Variants in NCOA6 observed in about 807,000 individuals in gnomAD.
The protein encoded by NCOA6 is nuclear receptor coactivator 6, also known as NRC RAP250.
NCOA6 carries 49 observed loss-of-function variants against 171.4 expected under a neutral mutation model. That is an observed-to-expected ratio of 0.29 (90% CI 0.23 to 0.36). The LOEUF is 0.36. Among genes scored for constraint, NCOA6 ranks in the 10% least tolerant of loss-of-function variants. The pLI is 1.00. For synonymous variants in NCOA6, 910 were observed against 927.5 expected (o/e 0.98, Z 0.34); for missense variants, 2,248 against 2,554.5 (o/e 0.88, Z 2.59).
chr20:34,797,470 T>C (rs1256960602), intron 1 of NCOA6, among the ~76,000 whole-genome samples: 1 of 152,086 alleles, frequency 6.6e-6, no homozygotes, highest in Non-Finnish European at 1.5e-5. Context: ...TCAGCACTGA[T>C]AGCCAGGTGG....
intron 14 of NCOA6, among the ~76,000 whole-genome samples, chr20:34,722,684 G>GAAAA (rs112692497): frequency 1.8e-4 from 16 of 90,520 alleles, no homozygotes; most frequent in African/African-American, 6.2e-4. Context: ...TGTCTCAAAT[G>GAAAA]AAAAAAAAAA....
chr20:34,722,376 G>A lies in NCOA6; in HGVS notation c.6148+4883C>T, dbSNP rs557286938. ...AGCCTGGGCGATGGAGTGAGACTCCGTCTAAAAATAAATAAATAAATAAAT... is the reference window on the plus strand; with the variant it reads ...AGCCTGGGCGATGGAGTGAGACTCCATCTAAAAATAAATAAATAAATAAAT... On this transcript the variant is annotated intron_variant, in intron 14 of 14. Coordinates refer to ENST00000359003, the MANE Select transcript of NCOA6 (RefSeq NM_014071.5). Among the ~76,000 whole-genome samples the A allele has an allele frequency of 9.3e-5, 14 of 151,216 alleles. No individual in the cohort carries two copies. In the South Asian group the frequency reaches 2.3e-3, roughly 25 times the overall value.
chr20:34,805,140 GC>G (rs2078403971), intron 1 of NCOA6, among the ~76,000 whole-genome samples: 1 of 151,336 alleles, frequency 6.6e-6, no homozygotes, highest in South Asian at 2.1e-4. Flanking sequence ...CTGGTTTCAA[GC>G]AATTCTTGTG....
At chr20:34,778,280 A>C (rs757556778) in intron 3 of NCOA6, among the ~76,000 whole-genome samples, 42 of 152,202 alleles carry the variant, frequency 2.8e-4, no homozygotes, top group Non-Finnish European at 4.7e-4. Context: ...ACGCTAAGCG[A>C]AATAAGCCAG....
intron 14 of NCOA6, among the ~76,000 whole-genome samples, chr20:34,717,424 T>C (rs916521424): frequency 3.3e-5 from 5 of 152,116 alleles, no homozygotes; most frequent in Admixed American, 1.3e-4. Flanking sequence ...CACTCCAGCT[T>C]GGGCAACAAG....
intron 1 of NCOA6, among the ~76,000 whole-genome samples, chr20:34,817,590 T>C (rs1452461477): frequency 1.3e-5 from 2 of 152,192 alleles, no homozygotes; most frequent in African/African-American, 4.8e-5. Context: ...AGAATGTTTA[T>C]TGAGCTCCTA....
intron 3 of NCOA6, among the ~76,000 whole-genome samples, chr20:34,781,260 A>C (rs1054487210): frequency 6.6e-6 from 1 of 152,232 alleles, no homozygotes; most frequent in Non-Finnish European, 1.5e-5. Flanking sequence ...AAAGAAAGCT[A>C]ATTAGCTCTT....
intron 8 of NCOA6, among the ~76,000 whole-genome samples, chr20:34,750,965 G>T (rs528998760): frequency 5.3e-5 from 8 of 152,210 alleles, no homozygotes; most frequent in Admixed American, 3.3e-4. Context: ...AGTGAGCCAA[G>T]ATCATGCCAT....
chr20:34,760,683 T>C (rs1031189814), intron 5 of NCOA6, among the ~76,000 whole-genome samples: 1 of 152,220 alleles, frequency 6.6e-6, no homozygotes, highest in Non-Finnish European at 1.5e-5. Context: ...TATAGACTTT[T>C]CAAGTTTTCA....
chr20:34,743,738 T>A (rs2076222156), intron 10 of NCOA6, among the ~76,000 whole-genome samples: 1 of 152,244 alleles, frequency 6.6e-6, no homozygotes, highest in Non-Finnish European at 1.5e-5. Context: ...GTAGTCATAA[T>A]CAATATTTCA....
intron 14 of NCOA6, among the ~76,000 whole-genome samples, chr20:34,720,025 T>C (rs1989128326): frequency 6.6e-6 from 1 of 152,252 alleles, no homozygotes; most frequent in Non-Finnish European, 1.5e-5. Flanking sequence ...CACCCAGGGC[T>C]GCTGATAATT....
chr20:34,728,096 A>G (rs974442721), intron 13 of NCOA6, among the ~76,000 whole-genome samples: 1 of 152,176 alleles, frequency 6.6e-6, no homozygotes, highest in African/African-American at 2.4e-5. Flanking sequence ...ATTTTTTAGA[A>G]TCATGAAAAT....
intron 1 of NCOA6, among the ~76,000 whole-genome samples, chr20:34,793,580 G>T (rs2077964396): frequency 6.6e-6 from 1 of 151,842 alleles, no homozygotes; most frequent in South Asian, 2.1e-4. Context: ...CTATGATCAT[G>T]CCACTGCAAT....
intron 14 of NCOA6, among the ~76,000 whole-genome samples, chr20:34,718,980 C>T (rs1378728098): frequency 6.6e-6 from 1 of 152,154 alleles, no homozygotes; most frequent in Non-Finnish European, 1.5e-5. Context: ...TGTCTCTTAA[C>T]AGATAGACAA....
chr20:34,780,351 A>G (rs1202322251), intron 3 of NCOA6, among the ~76,000 whole-genome samples: 2 of 151,912 alleles, frequency 1.3e-5, no homozygotes, highest in African/African-American at 2.4e-5. Context: ...AGAGTTGGTT[A>G]TTTTTTATTT....
In NCOA6 at chr20:34,782,186, T is replaced by A. The variant is rs755576003; in HGVS notation, c.170A>T (p.Asp57Val). Residue 57 changes from aspartate to valine, a missense_variant, in exon 3 of 15, where the codon GAT becomes GTT. This residue lies in a region of NCOA6 where 987 missense variants were observed against 1,104.7 expected (regional missense o/e 0.89). Transcript: ENST00000359003. ...TIFVAFKGNI[D>V]DKDFKWKLDA... ...TAATTTCCATTTGAAGTCTTTATCA[T>A]CTATATTTCCTTTGAAGGCCACAAA... 2 of 1,612,338 alleles carry A rather than the reference T, an allele frequency of 1.2e-6. No individual in the cohort carries two copies. Among genetic ancestry groups the A allele is most frequent in the African/African-American group, 1.3e-5 (1 of 74,898 alleles).
chr20:34,802,698 C>T lies in NCOA6; in HGVS notation c.-163-10135G>A, dbSNP rs138832100. On this transcript the variant is annotated intron_variant, in intron 1 of 14. Transcript: ENST00000359003. Reference sequence around the variant, plus strand: ...AAAATATATCAGTTCATGAACTGTTCGAAACAACTAAGCAAAATATAGGTT... The same window carrying T: ...AAAATATATCAGTTCATGAACTGTTTGAAACAACTAAGCAAAATATAGGTT... 3.3e-5 allele frequency among the ~76,000 whole-genome samples: 5 copies of T among 152,136 alleles called. No individual in the cohort carries two copies. The East Asian group carries it at 9.6e-4, about 29-fold the overall frequency.
At position 34,743,302 on chromosome 20, in the gene NCOA6, T is replaced by C. The variant is rs2076207949; in HGVS notation, c.2954A>G (p.Gln985Arg). 1.9e-6 allele frequency: 3 copies of C among 1,612,698 alleles called. No homozygotes were observed. Among genetic ancestry groups the C allele is most frequent in the Non-Finnish European group, 1.7e-6 (2 of 1,178,960 alleles). Reference sequence around the variant, plus strand: ...ATGCTGCATGAGTTGAGGAGGCATCTGCTGAAGTGGCCTCTGTTCAACTGG... The same window carrying C: ...ATGCTGCATGAGTTGAGGAGGCATCCGCTGAAGTGGCCTCTGTTCAACTGG... ...SQPVEQRPLQ[Q>R]MPPQLMQHVA... is the part of the protein sequence containing the mutation. Residue 985 changes from glutamine to arginine, a missense_variant, in exon 11 of 15, where the codon CAG (glutamine) becomes CGG (arginine). Gln to Arg is a conservative substitution (Grantham distance 43, BLOSUM62 1). This residue lies in a region of NCOA6 where 352 missense variants were observed against 419.1 expected (regional missense o/e 0.84). Coordinates refer to ENST00000359003, the MANE Select transcript of NCOA6 (RefSeq NM_014071.5).
rs183095745 is a variant in NCOA6 at position 34,795,433 on chromosome 20, A to G, written c.-163-2870T>C. Among the ~76,000 whole-genome samples, 101 of 152,352 alleles carry G rather than the reference A, an allele frequency of 6.6e-4. 1 individual carries two copies. The highest frequency in any genetic ancestry group is 2.3e-3 in the African/African-American group (95 of 41,588). On this transcript the variant is annotated intron_variant, in intron 1 of 14. Transcript: ENST00000359003. ...TAAGTTATGATGTATTATTACCAAA[A>G]GTGCCTAACCTAGGTCTAAACAAGT...
Sources: gnomAD v4.1 joint callset for allele counts (sites outside exome capture counted in the v4.1 genomes callset) on GRCh38, gnomAD v4.1.1 for gene constraint, gnomAD v4.1.1 regional missense constraint, MANE v1.5 for transcripts, NCBI Gene and HGNC (gene_info 2026-07-23, HGNC 2026-07-21) for gene names.